Variants in BABAM2 observed in about 807,000 individuals in gnomAD.
BABAM2 encodes BRISC and BRCA1 A complex member 2.
A neutral mutation model predicts 54.7 loss-of-function variants in BABAM2; 31 were observed. The ratio of observed to expected loss-of-function variants is 0.57; its 90% confidence interval spans 0.43 to 0.77. The LOEUF is 0.77. BABAM2 is among the 30% of genes least tolerant of loss of function. The pLI, the probability that BABAM2 is intolerant of heterozygous loss-of-function variation, is 0.00. For synonymous variants in BABAM2, 167 were observed against 162.9 expected (o/e 1.03, Z -0.19); for missense variants, 364 against 455.8 (o/e 0.80, Z 1.83).
At chr2:28,244,756 T>G (rs754838310) in intron 9 of BABAM2, 24 bp from the exon 10 acceptor site, 1 of 1,595,032 alleles carries the variant, frequency 6.3e-7, no homozygotes, top group Non-Finnish European at 8.6e-7. Flanking sequence ...TTTTTGTTTG[T>G]GTGTGTATGT....
chr2:27,901,307 A>G (rs993088299), intron 2 of BABAM2, among the ~76,000 whole-genome samples: 5 of 152,124 alleles, frequency 3.3e-5, no homozygotes, highest in African/African-American at 1.2e-4. Flanking sequence ...GCATTCTGGA[A>G]TGATGCCTGG....
At chr2:28,015,775 G>T in intron 4 of BABAM2, 1 of 1,102,136 alleles carries the variant, frequency 9.1e-7, no homozygotes. Context: ...TGAACTAGCA[G>T]GCTTCTTTTT....
At chr2:28,109,030 A>G (rs572895051) in intron 6 of BABAM2, among the ~76,000 whole-genome samples, 2 of 152,250 alleles carry the variant, frequency 1.3e-5, no homozygotes, top group East Asian at 3.9e-4. Flanking sequence ...ATATACTAGA[A>G]ATATTTTTAC....
intron 6 of BABAM2, among the ~76,000 whole-genome samples, chr2:28,116,613 C>G (rs777942549): frequency 6.6e-6 from 1 of 152,154 alleles, no homozygotes; most frequent in Non-Finnish European, 1.5e-5. Flanking sequence ...GGAAGAATCG[C>G]TAAACTCCAG....
chr2:28,198,991 G>C (rs1677952014), intron 7 of BABAM2, among the ~76,000 whole-genome samples: 1 of 152,208 alleles, frequency 6.6e-6, no homozygotes, highest in South Asian at 2.1e-4. Context: ...TGGATGAAGA[G>C]TATGGTAATT....
intron 4 of BABAM2, among the ~76,000 whole-genome samples, chr2:27,989,739 G>A (rs2148489734): frequency 6.6e-6 from 1 of 152,264 alleles, no homozygotes. Context: ...CTTTGAGCTA[G>A]GGTGATGCAA....
chr2:27,903,233 G>A (rs1306716340), intron 2 of BABAM2, among the ~76,000 whole-genome samples: 1 of 152,070 alleles, frequency 6.6e-6, no homozygotes, highest in Non-Finnish European at 1.5e-5. Flanking sequence ...CACTGTCCTT[G>A]TGCCAGTTCC....
chr2:27,941,543 A>G (rs559049972), intron 3 of BABAM2, among the ~76,000 whole-genome samples: 199 of 152,004 alleles, frequency 1.3e-3, no homozygotes, highest in African/African-American at 4.6e-3. Flanking sequence ...GTGACAGTGC[A>G]AGACTCCGTC....
At chr2:27,980,422 C>T (rs1019162860) in intron 3 of BABAM2, among the ~76,000 whole-genome samples, 1 of 152,192 alleles carries the variant, frequency 6.6e-6, no homozygotes, top group African/African-American at 2.4e-5. Context: ...TCCTGTATAA[C>T]TCCCCAGGTG....
At chr2:27,936,286 A>C (rs1042133285) in intron 3 of BABAM2, among the ~76,000 whole-genome samples, 13 of 152,214 alleles carry the variant, frequency 8.5e-5, no homozygotes, top group African/African-American at 3.1e-4. Context: ...ATGATTAAAA[A>C]GTCAGGAAAC....
intron 6 of BABAM2, among the ~76,000 whole-genome samples, chr2:28,125,053 G>A (rs1669386407): frequency 6.6e-6 from 1 of 152,104 alleles, no homozygotes. Context: ...AAGCAAGATG[G>A]ATAATGGATT....
At chr2:28,026,837 T>A (rs1294171603) in intron 5 of BABAM2, among the ~76,000 whole-genome samples, 1 of 59,986 alleles carries the variant, frequency 1.7e-5, no homozygotes, top group African/African-American at 6.6e-5. Context: ...TATATAAATA[T>A]ATATAAATAT....
chr2:28,164,879 T>C (rs569652065), intron 7 of BABAM2, among the ~76,000 whole-genome samples: 1 of 152,350 alleles, frequency 6.6e-6, no homozygotes, highest in Admixed American at 6.5e-5. Flanking sequence ...TTTTCCCGTA[T>C]GCTTCAGTCA....
intron 6 of BABAM2, among the ~76,000 whole-genome samples, chr2:28,110,255 T>G (rs569235549): frequency 6.6e-6 from 1 of 152,322 alleles, no homozygotes; most frequent in South Asian, 2.1e-4. Flanking sequence ...TATACCATGT[T>G]TTGCTTTTCC....
At chr2:28,064,834 T>C (rs994314648) in intron 6 of BABAM2, among the ~76,000 whole-genome samples, 3 of 152,084 alleles carry the variant, frequency 2.0e-5, no homozygotes, top group African/African-American at 7.2e-5. Context: ...AAACCTCTTC[T>C]CTACTAAAGA....
chr2:27,910,055 A>T (rs1479561272), intron 2 of BABAM2, among the ~76,000 whole-genome samples: 1 of 152,248 alleles, frequency 6.6e-6, no homozygotes, highest in African/African-American at 2.4e-5. Context: ...TAGCTAAGCC[A>T]TTCCATCTAT....
chr2:28,270,673 A>G (rs935357616), intron 10 of BABAM2, among the ~76,000 whole-genome samples: 53 of 152,282 alleles, frequency 3.5e-4, no homozygotes, highest in African/African-American at 1.2e-3. Context: ...GTCTGTTGCT[A>G]TCTTCTGCTG....
At chr2:28,070,549 T>A (rs1425434502) in intron 6 of BABAM2, among the ~76,000 whole-genome samples, 1 of 78,706 alleles carries the variant, frequency 1.3e-5, no homozygotes, top group Non-Finnish European at 3.5e-5. Context: ...TGAAGTACTT[T>A]TCTTTTCTTT....
At chr2:28,026,743 T>C (rs1174028836) in intron 5 of BABAM2, among the ~76,000 whole-genome samples, 4 of 80,880 alleles carry the variant, frequency 4.9e-5, no homozygotes, top group Non-Finnish European at 1.0e-4. Context: ...AAATATATAT[T>C]TATATATAAA....
Sources: allele counts gnomAD v4.1 joint callset (sites outside exome capture counted in the v4.1 genomes callset), GRCh38; gene constraint gnomAD v4.1.1; transcripts MANE v1.5; gene names NCBI Gene and HGNC (gene_info 2026-07-23, HGNC 2026-07-21).